Variants in MAPRE1 observed in about 807,000 individuals in gnomAD.
MAPRE1 encodes microtubule-associated protein RP/EB family member 1.
In MAPRE1, 5 loss-of-function variants were observed where a neutral mutation model predicts 32.1. The observed-to-expected ratio is 0.16, with a 90% CI of 0.08 to 0.33. The LOEUF (loss-of-function observed/expected upper bound fraction) is 0.33, where lower values mean the gene tolerates loss of function less well. Among genes scored for constraint, MAPRE1 ranks in the 10% least tolerant of loss-of-function variants. MAPRE1 has a pLI of 1.00. For missense variants in MAPRE1, 209 were observed against 327.2 expected (o/e 0.64, Z 2.79); for synonymous variants, 122 against 118.9 (o/e 1.03, Z -0.17).
intron 2 of MAPRE1, among the ~76,000 whole-genome samples, chr20:32,830,923 A>G (rs1334989605): frequency 1.3e-5 from 2 of 151,782 alleles, no homozygotes; most frequent in Non-Finnish European, 2.9e-5. Flanking sequence ...ACGGGGTTTC[A>G]CCGTGTTTGC....
At chr20:32,840,926 C>A (rs1983339962) in intron 5 of MAPRE1, among the ~76,000 whole-genome samples, 1 of 152,182 alleles carries the variant, frequency 6.6e-6, no homozygotes, top group African/African-American at 2.4e-5. Context: ...AGGGATTCTT[C>A]CGCCTCAGCC....
rs1259413662 is a variant in MAPRE1 at position 32,841,808 on chromosome 20, C to T, written c.597+1952C>T. ...CAGCCTCTCTGAACTTACTGCCTCA[C>T]GTGTGAAGTGGGGCTGACACTTGCT... On this transcript the variant is annotated intron_variant, in intron 5 of 6. Transcript: ENST00000375571. Among the ~76,000 whole-genome samples, 8 of 152,230 alleles carry T rather than the reference C, an allele frequency of 5.3e-5. No homozygotes were observed. The South Asian group carries it at 8.3e-4, about 16-fold the overall frequency.
chr20:32,838,340 G>A (rs1338354169), intron 4 of MAPRE1, among the ~76,000 whole-genome samples: 1 of 152,008 alleles, frequency 6.6e-6, no homozygotes, highest in East Asian at 1.9e-4. Flanking sequence ...TTTTTATTGT[G>A]GAATAATATT....
intron 4 of MAPRE1, among the ~76,000 whole-genome samples, chr20:32,837,080 A>C (rs1983222890): frequency 6.6e-6 from 1 of 152,172 alleles, no homozygotes; most frequent in Non-Finnish European, 1.5e-5. Context: ...ATAAAATGGG[A>C]ATTTTAATAC....
chr20:32,842,225 A>G (rs1323693031), intron 5 of MAPRE1, among the ~76,000 whole-genome samples: 1 of 152,088 alleles, frequency 6.6e-6, no homozygotes. Context: ...AGCTGGGACT[A>G]CAGGCACCCG....
intron 1 of MAPRE1, among the ~76,000 whole-genome samples, chr20:32,822,070 T>C (rs573773961): frequency 6.6e-6 from 1 of 152,304 alleles, no homozygotes; most frequent in East Asian, 1.9e-4. Context: ...ATTTAGTGGC[T>C]GCAGCGTTTG....
rs71190880 is a variant in MAPRE1 at position 32,844,439 on chromosome 20, C to CTTTTTTTTTT, written c.598-2157_598-2148dup. 3.1e-3 allele frequency among the ~76,000 whole-genome samples: 162 copies of CTTTTTTTTTT among 52,058 alleles called. 28 individuals are homozygous for CTTTTTTTTTT. Among genetic ancestry groups the CTTTTTTTTTT allele is most frequent in the Middle Eastern group, 0.024 (1 of 42 alleles). 34.2% of individuals were successfully genotyped at this position (52,058 alleles called of 152,430 possible). The stretch of plus-strand genomic sequence containing the variant: ...CTAGGTGGATACCAAGCTAGCATTC[C>CTTTTTTTTTT]TTTTTTTTTTTTTTTTTTTTTTTTT... On this transcript the variant is annotated intron_variant, in intron 5 of 6. Coordinates refer to ENST00000375571, the MANE Select transcript of MAPRE1 (RefSeq NM_012325.3).
intron 2 of MAPRE1, among the ~76,000 whole-genome samples, chr20:32,829,348 C>T (rs375849533): frequency 6.6e-6 from 1 of 152,180 alleles, no homozygotes; most frequent in Non-Finnish European, 1.5e-5. Flanking sequence ...TCTTGAAAGC[C>T]GTATAAGATG....
intron 1 of MAPRE1, among the ~76,000 whole-genome samples, chr20:32,821,845 T>C (rs1982712379): frequency 6.6e-6 from 1 of 152,068 alleles, no homozygotes; most frequent in African/African-American, 2.4e-5. Context: ...CTGGGTAGGT[T>C]TGAGGGAGCT....
chr20:32,821,871 T>TGGAAA (rs1360944696), intron 1 of MAPRE1, among the ~76,000 whole-genome samples: 1 of 152,076 alleles, frequency 6.6e-6, no homozygotes, highest in Non-Finnish European at 1.5e-5. Flanking sequence ...ATGGTGGTGG[T>TGGAAA]GGAAACCTGG....
At position 32,850,125 on chromosome 20, in the gene MAPRE1, G is replaced by A. The variant is rs550444272; in HGVS notation, c.*1397G>A. 17 of 152,708 alleles carry A rather than the reference G, an allele frequency of 1.1e-4. No individual in the cohort carries two copies. The highest frequency in any genetic ancestry group is 3.4e-4 in the African/African-American group (14 of 41,556). 9.5% of individuals were successfully genotyped at this position (152,708 alleles called of 1,614,324 possible). A position where few individuals can be genotyped will look rare whatever the true frequency, so the allele number is the denominator to read the frequency against. ...TTCTGGTGGTAGCTTGTCCTGAAAT[G>A]TGTGTAGAAAGCAAGTATTTTATGA... On this transcript the variant is annotated 3_prime_UTR_variant, in exon 7 of 7. Transcript: ENST00000375571.
chr20:32,844,388 G>C (rs192815724), intron 5 of MAPRE1, among the ~76,000 whole-genome samples: 3 of 149,804 alleles, frequency 2.0e-5, no homozygotes, highest in Non-Finnish European at 3.0e-5. Flanking sequence ...GGGTTTGAGA[G>C]GGTAGCATTA....
rs541330312 is a variant in MAPRE1, at chr20:32,840,224, G to C, written c.597+368G>C. On this transcript the variant is annotated intron_variant, in intron 5 of 6. Transcript: ENST00000375571. ...TCCGCAGTCTCTCTGCTGAGTCCTA[G>C]ACTGGGGTCACTGGAGATTGGAATT... Among the ~76,000 whole-genome samples, 3 of 152,298 alleles carry C rather than the reference G, an allele frequency of 2.0e-5. No homozygotes were observed. In the East Asian group the frequency reaches 5.8e-4, roughly 29 times the overall value.
At chr20:32,848,631 G>A (rs1430495418) in intron 6 of MAPRE1, 41 bp from the exon 7 acceptor site, 1 of 1,522,086 alleles carries the variant, frequency 6.6e-7, no homozygotes, top group Non-Finnish European at 9.1e-7. Context: ...CAGTAGAAAT[G>A]GATCTTTCAG....
At position 32,838,133 on chromosome 20, in the gene MAPRE1, C is replaced by T. The variant is rs6141351; in HGVS notation, c.475+1292C>T. Among the ~76,000 whole-genome samples, 4 of 152,188 alleles carry T rather than the reference C, an allele frequency of 2.6e-5. No homozygotes were observed. The East Asian group carries it at 5.8e-4, about 22-fold the overall frequency. Reference sequence around the variant, plus strand: ...GTACATAGTTAATAGTTGTCACTTCCCACTTTCCCCAGCTTTACCCCCTCC... The same window carrying T: ...GTACATAGTTAATAGTTGTCACTTCTCACTTTCCCCAGCTTTACCCCCTCC... On this transcript the variant is annotated intron_variant, in intron 4 of 6. Transcript: ENST00000375571.
Position 32,839,874 on chromosome 20 carries a change from T to C in MAPRE1, c.597+18T>C. 1 of 1,613,828 alleles carries C rather than the reference T, an allele frequency of 6.2e-7. No homozygotes were observed. Among genetic ancestry groups the C allele is most frequent in the Non-Finnish European group, 8.5e-7 (1 of 1,179,862 alleles). On this transcript the variant is annotated intron_variant, in intron 5 of 6. Transcript: ENST00000375571. ...TGCAGCAGGTGGGCACCCCTGTGTT[T>C]AGCACGTGAGTCACCTCGGGGGATA...
intron 5 of MAPRE1, among the ~76,000 whole-genome samples, chr20:32,845,122 C>A (rs890340879): frequency 2.0e-5 from 3 of 152,156 alleles, no homozygotes; most frequent in African/African-American, 7.2e-5. Flanking sequence ...CTTACTGCAG[C>A]CTTGAACTCC....
chr20:32,844,075 A>C (rs1349576210), intron 5 of MAPRE1, among the ~76,000 whole-genome samples: 1 of 152,124 alleles, frequency 6.6e-6, no homozygotes, highest in Admixed American at 6.6e-5. Flanking sequence ...GCCGGTCTCG[A>C]ACTCCTGACC....
At position 32,848,750 on chromosome 20, in the gene MAPRE1, C is replaced by T; in HGVS notation, c.*22C>T. The T allele has an allele frequency of 6.2e-7, 1 of 1,600,690 alleles. No individual in the cohort carries two copies. The highest frequency in any genetic ancestry group is 2.2e-5 in the East Asian group (1 of 44,520). On this transcript the variant is annotated 3_prime_UTR_variant, in exon 7 of 7. Coordinates refer to ENST00000375571, the MANE Select transcript of MAPRE1 (RefSeq NM_012325.3). The stretch of plus-strand genomic sequence containing the variant: ...TTAACAGCCTGGACCAGCAGAGCAA[C>T]ATCGGAATTCTTCACTCCAAATCAT...
Sources: gnomAD v4.1 joint callset for allele counts (sites outside exome capture counted in the v4.1 genomes callset) on GRCh38, gnomAD v4.1.1 for gene constraint, MANE v1.5 for transcripts, NCBI Gene and HGNC (gene_info 2026-07-23, HGNC 2026-07-21) for gene names.